FADS6: variants seen among roughly 807,000 people sequenced by gnomAD.
The protein encoded by FADS6 is fatty acid desaturase 6.
Under a neutral mutation model 31.7 loss-of-function variants are expected in FADS6, and 28 were observed. That is an observed-to-expected ratio of 0.88 (90% CI 0.66 to 1.21). The LOEUF is 1.21. Ranked by LOEUF, FADS6 falls within the 50% of genes most tolerant of loss-of-function variation. The pLI is 0.00. For missense variants in FADS6, 494 were observed against 504.2 expected (o/e 0.98, Z 0.19); for synonymous variants, 191 against 213.1 (o/e 0.90, Z 0.90).
rs759880260 is a variant in FADS6, at chr17:74,892,626, A to G, written c.308T>C (p.Val103Ala). ...VFASGITILGVCHYTLTVKGS... is the reference protein window; with the variant it reads ...VFASGITILGACHYTLTVKGS... ...CTTGACAGTGAGTGTGTAGTGGCAC[A>G]CACCCAAGATGGTGATGCCGGATGC... The change falls in exon 2 of 6, where the codon GTG (valine) becomes GCG (alanine). Residue 103 changes from valine to alanine, a missense_variant. Around this residue, in one of 2 missense-constraint regions of FADS6, gnomAD observed 454 missense variants for 438.5 expected, o/e 1.04. Transcript: ENST00000612771. 2.2e-5 allele frequency: 36 copies of G among 1,613,394 alleles called. No homozygotes were observed. The highest frequency in any genetic ancestry group is 3.1e-5 in the Non-Finnish European group (36 of 1,179,632).
downstream of FADS6, among the ~76,000 whole-genome samples, chr17:74,876,907 C>T (rs1261764262): frequency 1.3e-5 from 2 of 152,234 alleles, no homozygotes; most frequent in East Asian, 3.9e-4. Flanking sequence ...TTCCTAGCAC[C>T]CTCCCAGTCC....
rs1302414136 is a variant in FADS6, at chr17:74,882,669, G to A, written c.453C>T (p.His151=). 1 of 1,611,224 alleles carries A rather than the reference G, an allele frequency of 6.2e-7. No individual in the cohort carries two copies. Residue 151 remains histidine, a synonymous_variant, in exon 3 of 6, where the codon CAC becomes CAT. Transcript: ENST00000612771. ...TGGTGTAGGCATGGTGCATCTTGAC[G>A]TGCCCATGCGTGGCGTGCTCTGCAG... ...AFTAEHATHG[H]VKMHHAYTNV... is the part of the protein sequence containing the mutation.
intron 2 of FADS6, among the ~76,000 whole-genome samples, chr17:74,888,552 C>T (rs2038655939): frequency 6.6e-6 from 1 of 152,050 alleles, no homozygotes; most frequent in Non-Finnish European, 1.5e-5. Flanking sequence ...GGTTCCTGGC[C>T]CTGTTTCCAC....
intron 5 of FADS6, chr17:74,879,203 A>T (rs989874955): frequency 5.2e-5 from 33 of 632,538 alleles, no homozygotes; most frequent in Non-Finnish European, 8.3e-5. Context: ...CACCCCGCTA[A>T]TTTTTGAATT....
At position 74,878,196 on chromosome 17, in the gene FADS6, GC is replaced by G. The variant is rs1010212230; in HGVS notation, c.*134del. ...CCAGACCCCAGGCCTGAGCTCCCCT[GC>G]CCCCCTGCCTGGCCGGTGCCTCCAC... is the stretch of plus-strand genomic sequence containing the variant. On this transcript the variant is annotated 3_prime_UTR_variant, in exon 6 of 6. Transcript: ENST00000612771. 29 of 1,438,868 alleles carry G rather than the reference GC, an allele frequency of 2.0e-5. No homozygotes were observed. Among genetic ancestry groups the G allele is most frequent in the Non-Finnish European group, 2.5e-5 (28 of 1,100,466 alleles). 89.1% of individuals were successfully genotyped at this position (1,438,868 alleles called of 1,614,324 possible).
downstream of FADS6, among the ~76,000 whole-genome samples, chr17:74,876,293 T>C (rs8073029): frequency 0.098 from 14,871 of 152,192 alleles, 2,197 homozygotes; most frequent in African/African-American, 0.32. Context: ...GGCCTTTCAC[T>C]CTATCCAAGG....
chr17:74,875,843 A>G (rs542044461), downstream of FADS6, among the ~76,000 whole-genome samples: 54 of 152,202 alleles, frequency 3.5e-4, no homozygotes, highest in African/African-American at 1.3e-3. Flanking sequence ...CCAAAACTCC[A>G]CTCTATCAGT....
rs769816717 is a variant in FADS6, at chr17:74,881,238, C to A, written c.610G>T (p.Glu204Ter). 7 of 1,599,778 alleles carry A rather than the reference C, an allele frequency of 4.4e-6. No homozygotes were observed. The East Asian group carries it at 1.6e-4, about 36-fold the overall frequency. The change falls in exon 4 of 6, where the codon GAG becomes TAG. Residue 204 changes from glutamate (E) to a stop codon, truncating the protein, a stop_gained. Coordinates refer to ENST00000612771, the MANE Select transcript of FADS6 (RefSeq NM_178128.6). LOFTEE classifies it high-confidence loss of function. ...AGCGTCCGCAGGGCTGTCCCGAGCTCCACCTTCCTCAGCCGCTCTGCCATA... is the reference window on the plus strand; with the variant it reads ...AGCGTCCGCAGGGCTGTCCCGAGCTACACCTTCCTCAGCCGCTCTGCCATA... Reference protein sequence around the residue: ...LVAVERLRKVELGTALRTLAL... With the variant: ...LVAVERLRKV
intron 2 of FADS6, among the ~76,000 whole-genome samples, chr17:74,886,532 C>G (rs1251136336): frequency 6.6e-6 from 1 of 151,206 alleles, no homozygotes; most frequent in East Asian, 1.9e-4. Flanking sequence ...AGACTGATAA[C>G]CTCCAGCCAT....
At chr17:74,885,501 G>A (rs2038613717) in intron 2 of FADS6, among the ~76,000 whole-genome samples, 5 of 152,076 alleles carry the variant, frequency 3.3e-5, no homozygotes, top group Non-Finnish European at 7.4e-5. Flanking sequence ...CAAGAGTCTG[G>A]AGAGAGGAAC....
chr17:74,882,013 G>T (rs943270970), intron 3 of FADS6, among the ~76,000 whole-genome samples: 3 of 150,532 alleles, frequency 2.0e-5, no homozygotes, highest in African/African-American at 7.4e-5. Flanking sequence ...TCGGCTCACT[G>T]CAACCTCCGC....
At chr17:74,888,147 C>T (rs1197130163) in intron 2 of FADS6, among the ~76,000 whole-genome samples, 22 of 93,996 alleles carry the variant, frequency 2.3e-4, no homozygotes, top group Admixed American at 9.7e-4. Context: ...CACACACACA[C>T]ACACACACGC....
chr17:74,878,110 C>A lies in FADS6; in HGVS notation c.*221G>T. On this transcript the variant is annotated 3_prime_UTR_variant, in exon 6 of 6. Coordinates refer to ENST00000612771, the MANE Select transcript of FADS6 (RefSeq NM_178128.6). ...CCAGACTGACCAGAATGCACAGCCA[C>A]CATTACCGCTTCACCCAGACACCCC... The A allele has an allele frequency of 7.1e-7, 1 of 1,404,210 alleles. No individual in the cohort carries two copies. The highest frequency in any genetic ancestry group is 1.5e-5 in the South Asian group (1 of 64,816). 87.0% of individuals were successfully genotyped at this position (1,404,210 alleles called of 1,614,324 possible). A position where few individuals can be genotyped will look rare whatever the true frequency, so the allele number is the denominator to read the frequency against.
At chr17:74,877,293 T>C, downstream of FADS6, 1 of 148,572 alleles carries the variant, frequency 6.7e-6, no homozygotes, top group East Asian at 1.9e-4. Flanking sequence ...CATTCAAAGT[T>C]ATTTATTCTT....
chr17:74,875,094 T>A (rs2038500499), downstream of FADS6, among the ~76,000 whole-genome samples: 1 of 152,352 alleles, frequency 6.6e-6, no homozygotes, highest in South Asian at 2.1e-4. Flanking sequence ...CTAGAGGCAG[T>A]ATATCTGGTG....
chr17:74,889,701 A>G (rs813862), intron 2 of FADS6, among the ~76,000 whole-genome samples: 11 of 151,334 alleles, frequency 7.3e-5, no homozygotes, highest in African/African-American at 2.7e-4. Context: ...CCCTGTCTCT[A>G]CAAAAATACA....
Position 74,880,930 on chromosome 17 carries a change from G to A in FADS6, c.780+138C>T, listed in dbSNP as rs115646430. On this transcript the variant is annotated intron_variant, in intron 4 of 5. Coordinates refer to ENST00000612771, the MANE Select transcript of FADS6 (RefSeq NM_178128.6). ...CTCTCCAGGACGAGGCGAGGGCACA[G>A]TGTGATGAGAGCGAGAGGGAGGATG... The A allele has an allele frequency of 1.4e-3, 1,269 of 880,978 alleles. 8 individuals carry two copies. The African/African-American group carries it at 0.019, about 13-fold the overall frequency. The allele number at this position is 880,978 out of a possible 1,614,324, so 54.6% of individuals were successfully genotyped here.
intron 4 of FADS6, among the ~76,000 whole-genome samples, chr17:74,880,573 A>C (rs1373246746): frequency 6.6e-6 from 1 of 151,876 alleles, no homozygotes; most frequent in South Asian, 2.1e-4. Flanking sequence ...CAGGCTCCTG[A>C]CCTCAGGTGA....
intron 2 of FADS6, among the ~76,000 whole-genome samples, chr17:74,885,017 A>G (rs530232399): frequency 6.6e-6 from 1 of 152,164 alleles, no homozygotes; most frequent in East Asian, 1.9e-4. Context: ...CTAAATGACC[A>G]GATCTTTTGA....
Sources: gnomAD v4.1 joint callset for allele counts (sites outside exome capture counted in the v4.1 genomes callset) on GRCh38, gnomAD v4.1.1 for gene constraint, gnomAD v4.1.1 regional missense constraint, MANE v1.5 for transcripts, NCBI Gene and HGNC (gene_info 2026-07-23, HGNC 2026-07-21) for gene names.